The following HS6ST3 variants were observed in gnomAD, a reference collection of about 807,000 sequenced individuals.
The protein encoded by HS6ST3 is heparan-sulfate 6-O-sulfotransferase 3.
Under a neutral mutation model 36.7 loss-of-function variants are expected in HS6ST3, and 12 were observed. That is an observed-to-expected ratio of 0.33 (90% CI 0.21 to 0.53). The LOEUF (loss-of-function observed/expected upper bound fraction) is 0.53. Ranked by LOEUF, HS6ST3 falls within the 20% of genes least tolerant of loss-of-function variation. The pLI, the probability that HS6ST3 is intolerant of heterozygous loss-of-function variation, is 0.95. For synonymous variants in HS6ST3, 240 were observed against 257.5 expected (o/e 0.93, Z 0.65); for missense variants, 584 against 640.9 (o/e 0.91, Z 0.96).
intron 1 of HS6ST3, among the ~76,000 whole-genome samples, chr13:96,373,859 TCTGA>T (rs1314940762): frequency 2.0e-5 from 3 of 152,226 alleles, no homozygotes; most frequent in Non-Finnish European, 4.4e-5. Context: ...CACTACTATG[TCTGA>T]CTATCACAAC....
At chr13:96,600,370 A>G (rs550528014) in intron 1 of HS6ST3, among the ~76,000 whole-genome samples, 160 of 152,046 alleles carry the variant, frequency 1.1e-3, no homozygotes, top group Non-Finnish European at 1.8e-3. Flanking sequence ...ATATATATAT[A>G]TATAGGATTG....
intron 1 of HS6ST3, among the ~76,000 whole-genome samples, chr13:96,331,868 G>A (rs2055071063): frequency 1.3e-5 from 2 of 152,226 alleles, no homozygotes; most frequent in African/African-American, 2.4e-5. Context: ...GCCAGGTGCC[G>A]GATATAATCT....
At chr13:96,519,982 T>A (rs910538425) in intron 1 of HS6ST3, among the ~76,000 whole-genome samples, 3 of 152,234 alleles carry the variant, frequency 2.0e-5, no homozygotes, top group African/African-American at 7.2e-5. Flanking sequence ...AATGGTTGTC[T>A]TTATTATTTT....
intron 1 of HS6ST3, among the ~76,000 whole-genome samples, chr13:96,211,117 A>G (rs2054396978): frequency 6.6e-6 from 1 of 152,038 alleles, no homozygotes; most frequent in African/African-American, 2.4e-5. Flanking sequence ...TTTTTGGTAG[A>G]GACGGGGTTT....
At chr13:96,448,938 C>T (rs892054470) in intron 1 of HS6ST3, among the ~76,000 whole-genome samples, 1 of 151,970 alleles carries the variant, frequency 6.6e-6, no homozygotes, top group African/African-American at 2.4e-5. Context: ...CATTTTGTCT[C>T]ACCTTTGGCA....
At chr13:96,134,068 C>T (rs1289653951) in intron 1 of HS6ST3, among the ~76,000 whole-genome samples, 2 of 151,986 alleles carry the variant, frequency 1.3e-5, no homozygotes, top group East Asian at 3.9e-4. Context: ...TTTTTGGCAT[C>T]TTTGTTGAAA....
chr13:96,271,447 GA>G (rs2054719746), intron 1 of HS6ST3, among the ~76,000 whole-genome samples: 1 of 151,886 alleles, frequency 6.6e-6, no homozygotes, highest in Non-Finnish European at 1.5e-5. Context: ...GCACATCACT[GA>G]CAATCACACA....
chr13:96,499,136 C>T (rs2055991700), intron 1 of HS6ST3, among the ~76,000 whole-genome samples: 1 of 151,438 alleles, frequency 6.6e-6, no homozygotes, highest in Non-Finnish European at 1.5e-5. Context: ...AGTGATTCTC[C>T]TGCCTCAGCC....
At chr13:96,225,391 A>G (rs1402098804) in intron 1 of HS6ST3, among the ~76,000 whole-genome samples, 2 of 152,264 alleles carry the variant, frequency 1.3e-5, no homozygotes, top group East Asian at 1.9e-4. Context: ...GTTAGGAAAC[A>G]TCAGACTTTA....
chr13:96,544,818 A>T (rs1299989384), intron 1 of HS6ST3, among the ~76,000 whole-genome samples: 1 of 152,200 alleles, frequency 6.6e-6, no homozygotes, highest in Non-Finnish European at 1.5e-5. Context: ...TGGAAGGCTC[A>T]GTAATTACCA....
intron 1 of HS6ST3, among the ~76,000 whole-genome samples, chr13:96,518,473 A>T (rs184792117): frequency 6.6e-6 from 1 of 152,280 alleles, no homozygotes; most frequent in East Asian, 1.9e-4. Flanking sequence ...TATCACAAAA[A>T]TATTATCTTG....
At chr13:96,761,077 T>C (rs1421466176) in intron 1 of HS6ST3, among the ~76,000 whole-genome samples, 1 of 152,114 alleles carries the variant, frequency 6.6e-6, no homozygotes, top group Non-Finnish European at 1.5e-5. Flanking sequence ...TGGAAACTTT[T>C]AGCATTTTCT....
intron 1 of HS6ST3, among the ~76,000 whole-genome samples, chr13:96,818,789 C>T (rs1049355324): frequency 1.1e-4 from 16 of 152,222 alleles, no homozygotes; most frequent in African/African-American, 3.9e-4. Context: ...CCCACACTAT[C>T]CTTCTTGGTC....
chr13:96,771,635 C>T (rs889708251), intron 1 of HS6ST3, among the ~76,000 whole-genome samples: 19 of 152,192 alleles, frequency 1.2e-4, no homozygotes, highest in African/African-American at 4.3e-4. Flanking sequence ...GCGTTATTTC[C>T]TCTTTCAAGG....
rs1487907675 is a variant in HS6ST3 at position 96,835,614 on chromosome 13, C to CACACACACACAT, written c.*2427_*2428insTACACACACACA. ...TCTGCCTGCCCCTGTGACACACACA[C>CACACACACACAT]ACACACACACACACACACACAAACA... On this transcript the variant is annotated 3_prime_UTR_variant, in exon 2 of 2. Coordinates refer to ENST00000376705, the MANE Select transcript of HS6ST3 (RefSeq NM_153456.4). The CACACACACACAT allele has an allele frequency of 6.6e-6, 1 of 151,900 alleles. No homozygotes were observed. Among genetic ancestry groups the CACACACACACAT allele is most frequent in the African/African-American group, 2.4e-5 (1 of 41,194 alleles). 9.4% of individuals were successfully genotyped at this position (151,900 alleles called of 1,614,324 possible).
chr13:96,664,090 G>A (rs2056655450), intron 1 of HS6ST3, among the ~76,000 whole-genome samples: 2 of 152,024 alleles, frequency 1.3e-5, no homozygotes, highest in South Asian at 2.1e-4. Flanking sequence ...TGAGAATCAT[G>A]TAGTTCTACA....
At chr13:96,406,726 TA>T (rs778636687) in intron 1 of HS6ST3, among the ~76,000 whole-genome samples, 1 of 152,194 alleles carries the variant, frequency 6.6e-6, no homozygotes, top group South Asian at 2.1e-4. Context: ...GTGGCTTAAA[TA>T]GGGGTGGGGA....
chr13:96,364,319 T>A (rs1445018278), intron 1 of HS6ST3, among the ~76,000 whole-genome samples: 1 of 152,140 alleles, frequency 6.6e-6, no homozygotes, highest in Non-Finnish European at 1.5e-5. Context: ...GCAGCATTAT[T>A]GATAATAGTC....
intron 1 of HS6ST3, among the ~76,000 whole-genome samples, chr13:96,470,769 A>G (rs982294966): frequency 2.6e-5 from 4 of 152,066 alleles, no homozygotes; most frequent in African/African-American, 9.7e-5. Flanking sequence ...TTGCGAGGCC[A>G]TTTCTCAGAC....
Sources: allele counts gnomAD v4.1 joint callset (sites outside exome capture counted in the v4.1 genomes callset), GRCh38; gene constraint gnomAD v4.1.1; transcripts MANE v1.5; gene names NCBI Gene and HGNC (gene_info 2026-07-23, HGNC 2026-07-21).